Variants in VAT1L observed in about 807,000 individuals in gnomAD.
The protein encoded by VAT1L is vesicle amine transport 1 like.
In VAT1L, 34 loss-of-function variants were observed where a neutral mutation model predicts 44.1. That is an observed-to-expected ratio of 0.77 (90% CI 0.59 to 1.03). The LOEUF (loss-of-function observed/expected upper bound fraction) is 1.03, where lower values mean the gene tolerates loss of function less well. Ranked by LOEUF, VAT1L falls within the 50% of genes least tolerant of loss-of-function variation. The probability of loss-of-function intolerance (pLI) is 0.00; values close to 1 mark genes in which losing one functional copy is unlikely to be tolerated. For synonymous variants in VAT1L, 253 were observed against 202.2 expected, an observed-to-expected ratio of 1.25 and a Z score of -2.13; for missense variants, 615 against 538.8, an observed-to-expected ratio of 1.14 and a Z score of -1.40.
chr16:77,904,566 G>A (rs932959291), intron 7 of VAT1L, among the ~76,000 whole-genome samples: 14 of 152,248 alleles, frequency 9.2e-5, no homozygotes, highest in African/African-American at 2.9e-4. Context: ...GGGGCCTGCC[G>A]TTATGACCTC....
intron 4 of VAT1L, among the ~76,000 whole-genome samples, chr16:77,873,106 G>A (rs1433971425): frequency 6.6e-6 from 1 of 152,182 alleles, no homozygotes; most frequent in Non-Finnish European, 1.5e-5. Context: ...TAAATTGGCT[G>A]CTTCTCAGAG....
chr16:77,911,203 G>C (rs1040358872), intron 7 of VAT1L, among the ~76,000 whole-genome samples: 1 of 152,204 alleles, frequency 6.6e-6, no homozygotes, highest in Non-Finnish European at 1.5e-5. Flanking sequence ...GTGCAATATC[G>C]TTGGTTATCC....
At chr16:77,927,863 T>G (rs953286041) in intron 7 of VAT1L, among the ~76,000 whole-genome samples, 1 of 152,180 alleles carries the variant, frequency 6.6e-6, no homozygotes, top group Non-Finnish European at 1.5e-5. Flanking sequence ...AGACTCCGTC[T>G]CAAAATAAAT....
In VAT1L at chr16:77,876,453, T is replaced by G; in HGVS notation, c.806T>G (p.Leu269Arg). The change falls in exon 5 of 9, where the codon CTG becomes CGG. Residue 269 changes from leucine (L) to arginine (R), a missense_variant. Coordinates refer to ENST00000302536, the MANE Select transcript of VAT1L (RefSeq NM_020927.3). ...TGKGLSLLKP[L>R]GTYILYGSSN... ...AAAGGTCTCAGTCTTCTCAAACCCC[T>G]GGGAACCTACATTTTATATGGTGAG... 6.2e-7 allele frequency: 1 copy of G among 1,614,144 alleles called. No homozygotes were observed. Among genetic ancestry groups the G allele is most frequent in the Non-Finnish European group, 8.5e-7 (1 of 1,180,000 alleles).
Position 77,795,630 on chromosome 16 carries a change from G to C in VAT1L, c.233+6715G>C, listed in dbSNP as rs571919933. Among the ~76,000 whole-genome samples the C allele has an allele frequency of 2.6e-5, 4 of 152,216 alleles. No homozygotes were observed. In the South Asian group the frequency reaches 8.3e-4, roughly 32 times the overall value. ...AAGGTGGATGGGTCAATTCAGAAAA[G>C]ATTCATTCATTCCACCAAGTTGGTC... On this transcript the variant is annotated intron_variant, in intron 1 of 8. Transcript: ENST00000302536.
At chr16:77,791,242 G>T (rs1003866807) in intron 1 of VAT1L, among the ~76,000 whole-genome samples, 1 of 152,114 alleles carries the variant, frequency 6.6e-6, no homozygotes, top group African/African-American at 2.4e-5. Flanking sequence ...TCAGCCGATG[G>T]CTTCCTGGAT....
rs527571735 is a variant in VAT1L, at chr16:77,815,463, G to A, written c.234-1458G>A. ...TGCACTTTAGAGAAATACCAGCCGG[G>A]TTCAGTATGTGAAACTTCTCTAATT... is the stretch of plus-strand genomic sequence containing the variant. On this transcript the variant is annotated intron_variant, in intron 1 of 8. Coordinates refer to ENST00000302536, the MANE Select transcript of VAT1L (RefSeq NM_020927.3). 6.6e-4 allele frequency among the ~76,000 whole-genome samples: 101 copies of A among 152,276 alleles called. No homozygotes were observed. In the South Asian group the frequency reaches 0.012, roughly 19 times the overall value.
At chr16:77,946,276 G>GTTTTTTTTTTTTTTTTTTTTT (rs1597114758) in intron 7 of VAT1L, among the ~76,000 whole-genome samples, 1 of 33,860 alleles carries the variant, frequency 3.0e-5, no homozygotes, top group Non-Finnish European at 5.7e-5. Context: ...TAGGTTACTT[G>GTTTTTTTTTTTTTTTTTTTTT]TTCTTTTTTT....
intron 7 of VAT1L, among the ~76,000 whole-genome samples, chr16:77,925,908 C>G (rs1249224182): frequency 6.6e-6 from 1 of 152,084 alleles, no homozygotes; most frequent in African/African-American, 2.4e-5. Context: ...TTATTGGGTC[C>G]TTGAGTGATC....
At chr16:77,850,789 A>G (rs1000971066) in intron 3 of VAT1L, among the ~76,000 whole-genome samples, 40 of 152,294 alleles carry the variant, frequency 2.6e-4, no homozygotes, top group African/African-American at 9.4e-4. Flanking sequence ...AATGTATCCA[A>G]ATGCACTACA....
At chr16:77,859,300 A>C (rs1356943217) in intron 3 of VAT1L, among the ~76,000 whole-genome samples, 1 of 152,180 alleles carries the variant, frequency 6.6e-6, no homozygotes, top group Non-Finnish European at 1.5e-5. Context: ...TGTCTCTAAT[A>C]ACAAACAAAA....
At chr16:77,836,717 A>G (rs2016642902) in intron 3 of VAT1L, among the ~76,000 whole-genome samples, 1 of 152,236 alleles carries the variant, frequency 6.6e-6, no homozygotes, top group Admixed American at 6.5e-5. Context: ...CACCTCTTCC[A>G]ATCCACGTCT....
chr16:77,863,438 G>C (rs1401381116), intron 4 of VAT1L, among the ~76,000 whole-genome samples: 2 of 152,232 alleles, frequency 1.3e-5, no homozygotes, highest in African/African-American at 2.4e-5. Flanking sequence ...AGCAAACTGA[G>C]AAACCTTGTC....
intron 3 of VAT1L, among the ~76,000 whole-genome samples, chr16:77,854,848 A>G (rs1045069990): frequency 6.6e-6 from 1 of 152,222 alleles, no homozygotes; most frequent in African/African-American, 2.4e-5. Flanking sequence ...TCTTTTTGTA[A>G]GATGATCTTG....
At chr16:77,797,235 C>T (rs1250338592) in intron 1 of VAT1L, among the ~76,000 whole-genome samples, 2 of 152,056 alleles carry the variant, frequency 1.3e-5, no homozygotes, top group Admixed American at 1.3e-4. Context: ...CCTCAGCCTC[C>T]TAAGTAGCTG....
At chr16:77,928,014 G>A (rs948324008) in intron 7 of VAT1L, among the ~76,000 whole-genome samples, 2 of 152,130 alleles carry the variant, frequency 1.3e-5, no homozygotes, top group Admixed American at 1.3e-4. Flanking sequence ...CATTAGGATG[G>A]GATGCCTCTT....
At chr16:77,804,430 A>G (rs1269320709) in intron 1 of VAT1L, among the ~76,000 whole-genome samples, 2 of 152,118 alleles carry the variant, frequency 1.3e-5, no homozygotes, top group Non-Finnish European at 2.9e-5. Context: ...TAGATTCTCA[A>G]TATGTCTCCT....
intron 7 of VAT1L, among the ~76,000 whole-genome samples, chr16:77,945,341 C>T (rs1196103856): frequency 8.2e-6 from 1 of 121,630 alleles, no homozygotes; most frequent in Non-Finnish European, 1.6e-5. Context: ...TGCTGGAGTA[C>T]AGTGATGCAG....
At chr16:77,968,991 G>GC (rs1193638265) in intron 7 of VAT1L, among the ~76,000 whole-genome samples, 2 of 151,954 alleles carry the variant, frequency 1.3e-5, no homozygotes, top group Non-Finnish European at 2.9e-5. Context: ...ACTAATTTTT[G>GC]TTTTTTTAGT....
Sources: gnomAD v4.1 joint callset for allele counts (sites outside exome capture counted in the v4.1 genomes callset) on GRCh38, gnomAD v4.1.1 for gene constraint, MANE v1.5 for transcripts, NCBI Gene and HGNC (gene_info 2026-07-23, HGNC 2026-07-21) for gene names.